The following NBEA variants were observed in gnomAD, a reference collection of about 807,000 sequenced individuals.
NBEA encodes the protein neurobeachin, also known as lysosomal-trafficking regulator 2.
In NBEA, 44 loss-of-function variants were observed where a neutral mutation model predicts 343.4. That is an observed-to-expected ratio of 0.13 (90% CI 0.10 to 0.16). NBEA has a LOEUF of 0.16. Among genes scored for constraint, NBEA ranks in the 10% least tolerant of loss-of-function variants. NBEA has a pLI of 1.00. For missense variants in NBEA, 2,555 were observed against 3,631.3 expected (o/e 0.70, Z 7.62); for synonymous variants, 1,175 against 1,238.7 (o/e 0.95, Z 1.08).
At chr13:35,596,833 C>T (rs1194593309) in intron 47 of NBEA, among the ~76,000 whole-genome samples, 3 of 151,426 alleles carry the variant, frequency 2.0e-5, no homozygotes, top group African/African-American at 4.9e-5. Flanking sequence ...TGGAGGTGCT[C>T]GCCACTGACT....
At chr13:35,051,896 G>A (rs1034821007) in intron 6 of NBEA, among the ~76,000 whole-genome samples, 1 of 151,984 alleles carries the variant, frequency 6.6e-6, no homozygotes, top group Non-Finnish European at 1.5e-5. Flanking sequence ...GAATGTACAG[G>A]CAAACAATTA....
intron 31 of NBEA, among the ~76,000 whole-genome samples, chr13:35,203,815 A>G (rs74048942): frequency 0.044 from 6,752 of 152,270 alleles, 175 homozygotes; most frequent in South Asian, 0.08. Context: ...TACCACTTTG[A>G]TGATAACTTT....
chr13:35,565,050 T>G (rs2080066854), intron 44 of NBEA, among the ~76,000 whole-genome samples: 1 of 152,278 alleles, frequency 6.6e-6, no homozygotes, highest in African/African-American at 2.4e-5. Context: ...TAAACAGCAA[T>G]GTATATCAGG....
At chr13:34,950,565 C>T (rs1400128344) in intron 1 of NBEA, among the ~76,000 whole-genome samples, 1 of 150,342 alleles carries the variant, frequency 6.7e-6, no homozygotes, top group Non-Finnish European at 1.5e-5. Context: ...TTCTAATTTT[C>T]TAAATTAAAT....
At chr13:35,101,185 G>T (rs1462811284) in intron 11 of NBEA, among the ~76,000 whole-genome samples, 1 of 151,910 alleles carries the variant, frequency 6.6e-6, no homozygotes. Context: ...GTTATATGTG[G>T]ACATATGTTT....
chr13:35,048,758 A>C, intron 5 of NBEA, 74 bp downstream of exon 5: 2 of 823,842 alleles, frequency 2.4e-6, no homozygotes, highest in Non-Finnish European at 3.8e-6. Flanking sequence ...TCTCAAGGCA[A>C]CTTAGATAGA....
chr13:35,564,986 A>G (rs554925813), intron 44 of NBEA, among the ~76,000 whole-genome samples: 1 of 152,350 alleles, frequency 6.6e-6, no homozygotes, highest in South Asian at 2.1e-4. Flanking sequence ...CAAACAAACA[A>G]ACAACCCAGC....
chr13:35,059,761 CAGAGAGAG>C (rs59580233), intron 8 of NBEA, among the ~76,000 whole-genome samples: 2 of 111,064 alleles, frequency 1.8e-5, no homozygotes, highest in Non-Finnish European at 2.1e-5. Context: ...TATATATATA[CAGAGAGAG>C]AGAGAGAGAG....
chr13:35,654,408 C>T lies in NBEA; in HGVS notation c.8036-447C>T, dbSNP rs2084704903. Among the ~76,000 whole-genome samples the T allele has an allele frequency of 2.0e-5, 3 of 152,198 alleles. No homozygotes were observed. The South Asian group carries it at 6.2e-4, about 32-fold the overall frequency. The stretch of plus-strand genomic sequence containing the variant: ...TGCTCAAATCTCTACCCTCCTTTTT[C>T]ACAGGAATTATAAATACCATCTGAA... On this transcript the variant is annotated intron_variant, in intron 53 of 58. Coordinates refer to ENST00000379939, the MANE Select transcript of NBEA (RefSeq NM_001385012.1).
chr13:35,666,921 G>A (rs946170948), intron 56 of NBEA, among the ~76,000 whole-genome samples: 2 of 152,150 alleles, frequency 1.3e-5, no homozygotes, highest in Admixed American at 1.3e-4. Context: ...ACAGAAAAAG[G>A]TAAAATGTAC....
chr13:35,623,950 G>A (rs1313747151), intron 48 of NBEA, among the ~76,000 whole-genome samples: 1 of 151,988 alleles, frequency 6.6e-6, no homozygotes, highest in East Asian at 1.9e-4. Flanking sequence ...TGAAGGGGAG[G>A]AAAAAGAAAT....
intron 34 of NBEA, among the ~76,000 whole-genome samples, chr13:35,263,879 A>C (rs1405798171): frequency 6.6e-6 from 1 of 151,978 alleles, no homozygotes; most frequent in East Asian, 1.9e-4. Context: ...AAAACGAGAA[A>C]ACTAAGCACA....
chr13:35,371,362 T>C (rs1314862916), intron 38 of NBEA, among the ~76,000 whole-genome samples: 1 of 152,012 alleles, frequency 6.6e-6, no homozygotes, highest in East Asian at 1.9e-4. Flanking sequence ...TTCTTCAGGT[T>C]CTGAAATTCT....
intron 20 of NBEA, among the ~76,000 whole-genome samples, chr13:35,156,616 A>G (rs1022698755): frequency 5.3e-5 from 8 of 152,066 alleles, no homozygotes; most frequent in East Asian, 1.9e-4. Context: ...ACATGGGGTA[A>G]AGTCTGAGGC....
chr13:35,563,791 T>C (rs996054594), intron 44 of NBEA, among the ~76,000 whole-genome samples: 1 of 152,004 alleles, frequency 6.6e-6, no homozygotes, highest in Admixed American at 6.5e-5. Context: ...AATATGGCTA[T>C]TGGCATCATT....
chr13:35,412,635 CA>C (rs930890656), intron 38 of NBEA, among the ~76,000 whole-genome samples: 2 of 152,046 alleles, frequency 1.3e-5, no homozygotes, highest in African/African-American at 2.4e-5. Flanking sequence ...AATGAATGAA[CA>C]TAGACATTAC....
intron 38 of NBEA, among the ~76,000 whole-genome samples, chr13:35,390,828 A>G (rs989981803): frequency 2.0e-5 from 3 of 152,146 alleles, no homozygotes; most frequent in African/African-American, 4.8e-5. Flanking sequence ...TTCAAATTGT[A>G]TTATCTCCTT....
chr13:35,334,197 C>T (rs2039105018), intron 36 of NBEA, among the ~76,000 whole-genome samples: 1 of 152,212 alleles, frequency 6.6e-6, no homozygotes, highest in Admixed American at 6.5e-5. Flanking sequence ...TCCACATCCT[C>T]GCCAGCATTT....
chr13:35,494,852 A>C (rs555929317), intron 41 of NBEA, among the ~76,000 whole-genome samples: 4 of 151,984 alleles, frequency 2.6e-5, no homozygotes, highest in Non-Finnish European at 5.9e-5. Context: ...TCTACAAAAA[A>C]TAGAAAAATT....
Sources: gnomAD v4.1 joint callset for allele counts (sites outside exome capture counted in the v4.1 genomes callset) on GRCh38, gnomAD v4.1.1 for gene constraint, MANE v1.5 for transcripts, NCBI Gene and HGNC (gene_info 2026-07-23, HGNC 2026-07-21) for gene names.